The following SAMD12 variants were observed in gnomAD, a reference collection of about 807,000 sequenced individuals.
The protein encoded by SAMD12 is sterile alpha motif domain containing 12.
A neutral mutation model predicts 15.0 loss-of-function variants in SAMD12; 9 were observed. The observed-to-expected ratio is 0.60, with a 90% CI of 0.36 to 1.05. The LOEUF is 1.05. Ranked by LOEUF, SAMD12 falls within the 50% of genes least tolerant of loss-of-function variation. The pLI is 0.01. For synonymous variants in SAMD12, 86 were observed against 90.1 expected (o/e 0.96, Z 0.25); for missense variants, 230 against 234.2 (o/e 0.98, Z 0.12).
At chr8:118,170,219 G>A in the SAMD12 span, among the ~76,000 whole-genome samples, 2,868 of 152,184 alleles carry the variant, frequency 0.019, 90 homozygotes, top group African/African-American at 0.063. Context: ...CAGAGTGCTC[G>A]TGAAGATTAA....
At chr8:118,415,422 AAAGT>A (rs1160918607) in intron 3 of SAMD12, among the ~76,000 whole-genome samples, 5 of 149,574 alleles carry the variant, frequency 3.3e-5, no homozygotes, top group South Asian at 2.1e-4. Context: ...CAGTGTAAAA[AAAGT>A]AAATAAATAA....
In SAMD12 at chr8:118,245,208, G is replaced by GT. The variant is rs887830285; in HGVS notation, c.434-47477dup. ...CATGCCAAGGTAGGCAGATAATTAT[G>GT]TTTTTTGGAGACAAGATATCAAAGT... is the stretch of plus-strand genomic sequence containing the variant. On this transcript the variant is annotated intron_variant, in intron 4 of 4. Coordinates refer to the SAMD12 transcript ENST00000409003. Among the ~76,000 whole-genome samples the GT allele has an allele frequency of 9.7e-4, 148 of 152,266 alleles. 1 individual carries two copies. Among genetic ancestry groups the GT allele is most frequent in the African/African-American group, 3.5e-3 (146 of 41,572 alleles).
At chr8:118,492,392 C>T (rs1228530619) in intron 2 of SAMD12, among the ~76,000 whole-genome samples, 1 of 152,080 alleles carries the variant, frequency 6.6e-6, no homozygotes, top group Admixed American at 6.6e-5. Flanking sequence ...ATGTATTGCA[C>T]ATATTCTTCT....
chr8:118,245,282 G>T (rs577701165), intron 4 of SAMD12, among the ~76,000 whole-genome samples: 1 of 152,226 alleles, frequency 6.6e-6, no homozygotes, highest in South Asian at 2.1e-4. Flanking sequence ...GGTCAGAGCA[G>T]TTTTCAGAAG....
chr8:118,558,645 ACCTCCC>A, intron 2 of SAMD12, among the ~76,000 whole-genome samples: 1 of 151,686 alleles, frequency 6.6e-6, no homozygotes, highest in Non-Finnish European at 1.5e-5. Flanking sequence ...GGCAAGCTCC[ACCTCCC>A]AGGTTCACGC....
chr8:118,183,287 C>A, the SAMD12 span, among the ~76,000 whole-genome samples: 1 of 152,310 alleles, frequency 6.6e-6, no homozygotes, highest in African/African-American at 2.4e-5. Context: ...ATCTTCTTCA[C>A]CAACTGAATT....
intron 2 of SAMD12, among the ~76,000 whole-genome samples, chr8:118,533,633 A>G (rs996671741): frequency 1.1e-4 from 16 of 152,164 alleles, no homozygotes; most frequent in Non-Finnish European, 1.9e-4. Flanking sequence ...CCTGTATTAG[A>G]TGCATATATA....
chr8:118,610,025 C>T (rs539495183), intron 1 of SAMD12, among the ~76,000 whole-genome samples: 1 of 152,158 alleles, frequency 6.6e-6, no homozygotes, highest in African/African-American at 2.4e-5. Flanking sequence ...TTTGTATTTC[C>T]CAGTGTCATT....
chr8:118,504,325 A>C (rs1586769978), intron 2 of SAMD12, among the ~76,000 whole-genome samples: 1 of 152,216 alleles, frequency 6.6e-6, no homozygotes, highest in East Asian at 1.9e-4. Context: ...CTCTTTAATA[A>C]ATACATAAAG....
At chr8:118,366,744 G>A (rs4876813) in intron 4 of SAMD12, among the ~76,000 whole-genome samples, 39,441 of 150,836 alleles carry the variant, frequency 0.26, 5,378 homozygotes, top group Admixed American at 0.3. Context: ...ACTGGGAGGC[G>A]AAGGTTGCAG....
intron 4 of SAMD12, among the ~76,000 whole-genome samples, chr8:118,314,531 T>C (rs1361976164): frequency 3.3e-5 from 5 of 152,212 alleles, no homozygotes; most frequent in Non-Finnish European, 7.3e-5. Flanking sequence ...TATACTTTCA[T>C]AGCCACATCC....
intron 4 of SAMD12, among the ~76,000 whole-genome samples, chr8:118,316,948 C>G (rs10102185): frequency 0.48 from 72,103 of 151,044 alleles, 19,678 homozygotes; most frequent in African/African-American, 0.77. Flanking sequence ...AGCCACCGTG[C>G]CTGTCAGAGA....
chr8:118,595,527 A>G (rs539594392), intron 1 of SAMD12, among the ~76,000 whole-genome samples: 8 of 152,182 alleles, frequency 5.3e-5, no homozygotes, highest in South Asian at 2.1e-4. Flanking sequence ...GGGAGAAGGG[A>G]AAAAAAATCA....
At chr8:118,469,358 C>A (rs1280406594) in intron 2 of SAMD12, among the ~76,000 whole-genome samples, 6 of 146,244 alleles carry the variant, frequency 4.1e-5, no homozygotes, top group African/African-American at 7.6e-5. Context: ...TAGCCTGTCA[C>A]ATGATTGGTT....
At chr8:118,166,981 C>CCTCT in the SAMD12 span, among the ~76,000 whole-genome samples, 6 of 151,918 alleles carry the variant, frequency 3.9e-5, no homozygotes, top group African/African-American at 1.5e-4. Context: ...AGTTTCCCTC[C>CCTCT]ATTGCACAGC....
intron 2 of SAMD12, among the ~76,000 whole-genome samples, chr8:118,457,120 G>T (rs992617050): frequency 6.6e-6 from 1 of 151,930 alleles, no homozygotes; most frequent in Admixed American, 6.6e-5. Context: ...GACAATTAAT[G>T]ATAATTAATA....
intron 4 of SAMD12, among the ~76,000 whole-genome samples, chr8:118,319,416 T>C (rs1816112850): frequency 6.6e-6 from 1 of 152,148 alleles, no homozygotes; most frequent in African/African-American, 2.4e-5. Context: ...TGTGTGACAC[T>C]GGCAGAAAAA....
Position 118,470,257 on chromosome 8 carries a change from T to A in SAMD12, c.193-30296A>T, listed in dbSNP as rs531897910. 7.6e-3 allele frequency among the ~76,000 whole-genome samples: 1,084 copies of A among 143,242 alleles called. 3 individuals are homozygous for A. The highest frequency in any genetic ancestry group is 0.01 in the Middle Eastern group (3 of 286). The allele number at this position is 143,242 out of a possible 152,430, so 94.0% of individuals were successfully genotyped here. A position where few individuals can be genotyped will look rare whatever the true frequency, so the allele number is the denominator to read the frequency against. Reference sequence around the variant, plus strand: ...CAATATGTTATCTTTTTTTTTTTTTTAAAAAAAAAGGAGGTTTATGTTCAT... The same window carrying A: ...CAATATGTTATCTTTTTTTTTTTTTAAAAAAAAAAGGAGGTTTATGTTCAT... On this transcript the variant is annotated intron_variant, in intron 2 of 3. Coordinates refer to ENST00000314727, the MANE Select transcript of SAMD12 (RefSeq NM_207506.3).
intron 4 of SAMD12, among the ~76,000 whole-genome samples, chr8:118,352,005 C>T (rs1487171695): frequency 6.6e-6 from 1 of 152,148 alleles, no homozygotes; most frequent in Non-Finnish European, 1.5e-5. Flanking sequence ...GCTGAAGCCA[C>T]CTTGAGTTGA....
Sources: allele counts gnomAD v4.1 joint callset (sites outside exome capture counted in the v4.1 genomes callset), GRCh38; gene constraint gnomAD v4.1.1; transcripts MANE v1.5; gene names NCBI Gene and HGNC (gene_info 2026-07-23, HGNC 2026-07-21).